TMSB15B: variants seen among roughly 807,000 people sequenced by gnomAD.
TMSB15B encodes the protein thymosin beta 15B.
At position 103,926,557 on chromosome X, in the gene TMSB15B, G is replaced by T. The variant is rs782381831; in HGVS notation, c.-721+7265G>T. Among the ~76,000 whole-genome samples, 7 of 109,514 alleles carry T rather than the reference G, an allele frequency of 6.4e-5. No homozygotes were observed. The South Asian group carries it at 1.2e-3, about 19-fold the overall frequency. ...GGATTGTGGGGATATGGATGGAGCA[G>T]GGAGAAGGGGCTAGGGAAGAGCAGA... On this transcript the variant is annotated intron_variant, in intron 1 of 3. Transcript: ENST00000419165.
intron 1 of TMSB15B, among the ~76,000 whole-genome samples, chrX:103,927,930 T>C (rs1411912863): frequency 6.2e-5 from 7 of 112,414 alleles, no homozygotes; most frequent in Middle Eastern, 4.6e-3. Flanking sequence ...TGTGCTTATA[T>C]ATCAGAAACT....
At chrX:103,921,613 CAT>C (rs1261804607) in intron 1 of TMSB15B, among the ~76,000 whole-genome samples, 1 of 112,296 alleles carries the variant, frequency 8.9e-6, no homozygotes, top group South Asian at 3.7e-4. Context: ...TCTCTGGCCT[CAT>C]GTGTGTGAGT....
At chrX:103,946,740 C>T (rs1173953660) in intron 1 of TMSB15B, among the ~76,000 whole-genome samples, 1 of 110,931 alleles carries the variant, frequency 9.0e-6, no homozygotes, top group African/African-American at 3.3e-5. Flanking sequence ...ATGCCTTATA[C>T]AAAATAAAAT....
intron 1 of TMSB15B, among the ~76,000 whole-genome samples, chrX:103,925,444 A>T (rs2074965564): frequency 8.9e-6 from 1 of 112,660 alleles, no homozygotes; most frequent in African/African-American, 3.2e-5. Flanking sequence ...GGTCCCCCAA[A>T]ATGATTTACA....
chrX:103,950,488 T>C lies in TMSB15B; in HGVS notation c.-720-11533T>C, dbSNP rs188596553. ...GGAATGTAGTCTTAGACAGGAACAC[T>C]GGTTCCAACGAAGCCTTATATTGTG... is the stretch of plus-strand genomic sequence containing the variant. On this transcript the variant is annotated intron_variant, in intron 1 of 3. Transcript: ENST00000419165. 2.6e-3 allele frequency among the ~76,000 whole-genome samples: 285 copies of C among 110,539 alleles called. 1 individual carries two copies. Among genetic ancestry groups the C allele is most frequent in the Non-Finnish European group, 4.4e-3 (235 of 52,857 alleles).
intron 1 of TMSB15B, among the ~76,000 whole-genome samples, chrX:103,937,028 T>A (rs1302357402): frequency 1.8e-5 from 2 of 112,196 alleles, no homozygotes; most frequent in Non-Finnish European, 3.8e-5. Context: ...CTGACTTGAT[T>A]GTAGTGGATA....
In TMSB15B at chrX:103,947,125, G is replaced by A. The variant is rs782763429; in HGVS notation, c.-720-14896G>A. Among the ~76,000 whole-genome samples, 77 of 108,875 alleles carry A rather than the reference G, an allele frequency of 7.1e-4. 1 individual carries two copies. Among genetic ancestry groups the A allele is most frequent in the African/African-American group, 2.4e-3 (73 of 29,911 alleles). The allele number at this position is 108,875 out of a possible 115,157, so 94.5% of individuals were successfully genotyped here. Reference sequence around the variant, plus strand: ...GCCCCACACTGAAAAAAAAAACCAAGAGCCCACAAGCAGTAGAATGAATAA... The same window carrying A: ...GCCCCACACTGAAAAAAAAAACCAAAAGCCCACAAGCAGTAGAATGAATAA... On this transcript the variant is annotated intron_variant, in intron 1 of 3. Coordinates refer to the TMSB15B transcript ENST00000419165.
intron 1 of TMSB15B, among the ~76,000 whole-genome samples, chrX:103,925,850 G>T (rs782747479): frequency 8.9e-6 from 1 of 112,070 alleles, no homozygotes; most frequent in Admixed American, 9.4e-5. Context: ...ACATTATTGC[G>T]CTCTGAGGTA....
chrX:103,934,144 G>A (rs1184802627), intron 1 of TMSB15B, among the ~76,000 whole-genome samples: 2 of 110,551 alleles, frequency 1.8e-5, no homozygotes, highest in African/African-American at 3.3e-5. Context: ...TCGCCCCTCT[G>A]CAGGACCCTT....
intron 1 of TMSB15B, among the ~76,000 whole-genome samples, chrX:103,926,407 G>T (rs1280156604): frequency 1.7e-4 from 15 of 88,087 alleles, no homozygotes; most frequent in Admixed American, 1.0e-3. Context: ...GAGCAGGGGG[G>T]ATAGAATGAG....
intron 1 of TMSB15B, among the ~76,000 whole-genome samples, chrX:103,954,167 T>C (rs1273336289): frequency 4.0e-4 from 45 of 112,437 alleles, no homozygotes; most frequent in African/African-American, 1.3e-3. Context: ...GGAGTATCTG[T>C]AGTAGAGCAT....
At chrX:103,934,881 G>A (rs1476135721) in intron 1 of TMSB15B, among the ~76,000 whole-genome samples, 6 of 111,783 alleles carry the variant, frequency 5.4e-5, no homozygotes, top group Admixed American at 9.5e-5. Context: ...GAGTCAAATG[G>A]TATTTCTAGT....
Position 103,928,610 on chromosome X carries a change from G to A in TMSB15B, c.-721+9318G>A, listed in dbSNP as rs138937800. 1,289 of 1,163,343 alleles carry A rather than the reference G, an allele frequency of 1.1e-3. 18 individuals are homozygous for A. The East Asian group carries it at 0.03, about 27-fold the overall frequency. ...TATGGGCTTTGGGGGCGGCTGTCAC[G>A]GGGCTACTACCATGGTTTCTGGCCT... On this transcript the variant is annotated intron_variant, in intron 1 of 3. Coordinates refer to the TMSB15B transcript ENST00000419165.
At chrX:103,924,221 A>C (rs782241562) in intron 1 of TMSB15B, among the ~76,000 whole-genome samples, 1 of 111,267 alleles carries the variant, frequency 9.0e-6, no homozygotes, top group Admixed American at 9.5e-5. Context: ...TGTGGTCCTC[A>C]TTCTAAATGG....
chrX:103,928,165 G>C, intron 1 of TMSB15B: 1 of 1,169,899 alleles, frequency 8.5e-7, no homozygotes, highest in East Asian at 3.0e-5. Context: ...CTCCAGGAAA[G>C]AAAAGCTGGC....
chrX:103,955,573 C>T (rs5987606), intron 1 of TMSB15B, among the ~76,000 whole-genome samples: 4,169 of 109,189 alleles, frequency 0.038, 202 homozygotes, highest in African/African-American at 0.13. Flanking sequence ...TGAAGTAAGA[C>T]GAGCAGATAA....
At chrX:103,941,302 A>G (rs1457233106) in intron 1 of TMSB15B, among the ~76,000 whole-genome samples, 3 of 112,526 alleles carry the variant, frequency 2.7e-5, no homozygotes, top group Non-Finnish European at 5.6e-5. Flanking sequence ...TAGTGCTGCA[A>G]TAAACATAGG....
At chrX:103,921,975 A>G (rs1459052866) in intron 1 of TMSB15B, among the ~76,000 whole-genome samples, 2 of 111,882 alleles carry the variant, frequency 1.8e-5, no homozygotes, top group African/African-American at 6.5e-5. Context: ...CTTCCAAACA[A>G]GCAGTCTAAA....
chrX:103,953,496 A>G (rs782730698), intron 1 of TMSB15B, among the ~76,000 whole-genome samples: 1 of 112,544 alleles, frequency 8.9e-6, no homozygotes, highest in Non-Finnish European at 1.9e-5. Flanking sequence ...CTGGAATTAC[A>G]GCTAGCCACC....
Sources: gnomAD v4.1 joint callset for allele counts (sites outside exome capture counted in the v4.1 genomes callset) on GRCh38, gnomAD v4.1.1 for gene constraint, MANE v1.5 for transcripts, NCBI Gene and HGNC (gene_info 2026-07-23, HGNC 2026-07-21) for gene names.